METTL15: variants seen among roughly 807,000 people sequenced by gnomAD.
METTL15 encodes 12S rRNA N(4)-cytidine methyltransferase METTL15.
In METTL15, 34 loss-of-function variants were observed where a neutral mutation model predicts 38.3. The observed-to-expected ratio is 0.89, with a 90% CI of 0.68 to 1.18. The LOEUF is 1.18. Among genes scored for constraint, METTL15 ranks in the 50% most tolerant of loss-of-function variants. The probability of loss-of-function intolerance (pLI) is 0.00; values close to 1 mark genes in which losing one functional copy is unlikely to be tolerated. For synonymous variants in METTL15, 162 were observed against 170.9 expected, an observed-to-expected ratio of 0.95 and a Z score of 0.41; for missense variants, 438 against 498.4, an observed-to-expected ratio of 0.88 and a Z score of 1.15.
chr11:28,391,310 T>A (rs965324718), intron 5 of METTL15, among the ~76,000 whole-genome samples: 2 of 152,046 alleles, frequency 1.3e-5, no homozygotes, highest in Non-Finnish European at 2.9e-5. Context: ...CTTGTGCCAG[T>A]TTTCAAAGGG....
intron 3 of METTL15, among the ~76,000 whole-genome samples, chr11:28,194,170 T>TTCTTTCTTTCTC (rs1184636109): frequency 1.3e-5 from 1 of 77,582 alleles, no homozygotes; most frequent in African/African-American, 5.3e-5. Context: ...CTTTCTTTCT[T>TTCTTTCTTTCTC]TCTTTTTCTC....
chr11:28,407,661 T>A lies in METTL15; in HGVS notation c.*359-16638T>A, dbSNP rs192277717. On this transcript the variant is annotated intron_variant and NMD_transcript_variant, in intron 5 of 7. Coordinates refer to the METTL15 transcript ENST00000532947. ...TATTAAAAAGTAAAGAAACAACAGA[T>A]GTTGGTGAGGCTGTGCAGAAATAGG... Among the ~76,000 whole-genome samples, 41 of 152,148 alleles carry A rather than the reference T, an allele frequency of 2.7e-4. No homozygotes were observed. The East Asian group carries it at 7.6e-3, about 28-fold the overall frequency.
At chr11:28,374,272 G>T (rs901487519) in intron 5 of METTL15, among the ~76,000 whole-genome samples, 4 of 151,984 alleles carry the variant, frequency 2.6e-5, no homozygotes, top group African/African-American at 9.7e-5. Flanking sequence ...GCCATTTTCA[G>T]GATACTGATT....
At chr11:28,391,363 G>T (rs547267988) in intron 5 of METTL15, among the ~76,000 whole-genome samples, 1 of 151,940 alleles carries the variant, frequency 6.6e-6, no homozygotes, top group Non-Finnish European at 1.5e-5. Context: ...ATTGGCTGTG[G>T]GTTTGTCATA....
At chr11:28,253,064 T>C (rs1854813509) in intron 4 of METTL15, among the ~76,000 whole-genome samples, 1 of 152,132 alleles carries the variant, frequency 6.6e-6, no homozygotes, top group African/African-American at 2.4e-5. Flanking sequence ...GTCTACACTT[T>C]TGCAAAATAT....
chr11:28,367,430 A>G (rs760391673), intron 5 of METTL15, among the ~76,000 whole-genome samples: 1 of 152,146 alleles, frequency 6.6e-6, no homozygotes, highest in Non-Finnish European at 1.5e-5. Context: ...TCTTCCTCTT[A>G]CAAGGGATGT....
intron 5 of METTL15, among the ~76,000 whole-genome samples, chr11:28,296,033 A>G (rs61889049): frequency 8.0e-4 from 122 of 152,264 alleles, no homozygotes; most frequent in Admixed American, 1.7e-3. Flanking sequence ...GTTTCTGACT[A>G]TAATTTATTC....
intron 6 of METTL15, among the ~76,000 whole-genome samples, chr11:28,298,325 TA>T (rs1225875361): frequency 3.3e-5 from 5 of 152,096 alleles, no homozygotes; most frequent in East Asian, 1.9e-4. Flanking sequence ...TGAGAAGTGA[TA>T]TTTTTTTATT....
chr11:28,384,325 T>C (rs1850418985), intron 5 of METTL15, among the ~76,000 whole-genome samples: 1 of 151,904 alleles, frequency 6.6e-6, no homozygotes. Flanking sequence ...TTTTTTTTTT[T>C]TGAGACAAAG....
At chr11:28,276,303 G>T (rs1182117362) in intron 4 of METTL15, among the ~76,000 whole-genome samples, 2 of 151,992 alleles carry the variant, frequency 1.3e-5, no homozygotes, top group Non-Finnish European at 2.9e-5. Flanking sequence ...CACCAGTAAT[G>T]ATCTAACTGA....
At chr11:28,324,439 G>A (rs1312521821) in intron 6 of METTL15, among the ~76,000 whole-genome samples, 1 of 152,078 alleles carries the variant, frequency 6.6e-6, no homozygotes, top group African/African-American at 2.4e-5. Context: ...GATTTTCTGA[G>A]GTTAAAATTA....
chr11:28,192,412 A>G (rs1851731196), intron 3 of METTL15, among the ~76,000 whole-genome samples: 1 of 149,380 alleles, frequency 6.7e-6, no homozygotes, highest in Non-Finnish European at 1.5e-5. Flanking sequence ...CCTTTTATAT[A>G]TTAATGCATT....
intron 5 of METTL15, among the ~76,000 whole-genome samples, chr11:28,413,232 A>C (rs1850744850): frequency 6.6e-6 from 1 of 152,032 alleles, no homozygotes; most frequent in African/African-American, 2.4e-5. Flanking sequence ...ACAGATATTT[A>C]GTAGTTTTTA....
chr11:28,297,294 C>T (rs955379284), intron 6 of METTL15, among the ~76,000 whole-genome samples: 6 of 152,118 alleles, frequency 3.9e-5, no homozygotes. Context: ...CTTGATCCAT[C>T]GCAGTGGTTG....
At chr11:28,383,740 T>C (rs1037292621) in intron 5 of METTL15, among the ~76,000 whole-genome samples, 2 of 152,184 alleles carry the variant, frequency 1.3e-5, no homozygotes, top group Admixed American at 6.5e-5. Flanking sequence ...TTTCTTATGC[T>C]TTTTGGCCAT....
chr11:28,459,972 T>G (rs931724410), intron 6 of METTL15, among the ~76,000 whole-genome samples: 2 of 152,122 alleles, frequency 1.3e-5, no homozygotes, highest in African/African-American at 2.4e-5. Flanking sequence ...TTCTCTCTAG[T>G]ACTGTGAGGC....
At chr11:28,178,828 T>A (rs539416679) in intron 3 of METTL15, among the ~76,000 whole-genome samples, 1 of 151,960 alleles carries the variant, frequency 6.6e-6, no homozygotes, top group Admixed American at 6.6e-5. Flanking sequence ...ATATTCCTTA[T>A]AGGTTTCGTA....
chr11:28,151,562 T>G (rs1850091159), intron 3 of METTL15, among the ~76,000 whole-genome samples: 1 of 152,004 alleles, frequency 6.6e-6, no homozygotes, highest in Non-Finnish European at 1.5e-5. Flanking sequence ...GTCTCTGACT[T>G]TGCACTTGCT....
intron 6 of METTL15, among the ~76,000 whole-genome samples, chr11:28,455,426 T>C (rs1022720845): frequency 3.4e-4 from 51 of 152,182 alleles, no homozygotes; most frequent in African/African-American, 1.2e-3. Context: ...CCATAGACAA[T>C]GCATTAAGGC....
Sources: allele counts gnomAD v4.1 joint callset (sites outside exome capture counted in the v4.1 genomes callset), GRCh38; gene constraint gnomAD v4.1.1; transcripts MANE v1.5; gene names NCBI Gene and HGNC (gene_info 2026-07-23, HGNC 2026-07-21).